CADM2: variants seen among roughly 807,000 people sequenced by gnomAD.
The protein encoded by CADM2 is immunoglobulin superfamily member 4D.
In CADM2, 12 loss-of-function variants were observed where a neutral mutation model predicts 49.8. The observed-to-expected ratio is 0.24, with a 90% CI of 0.15 to 0.39. The LOEUF is 0.39. Among genes scored for constraint, CADM2 ranks in the 10% least tolerant of loss-of-function variants. The pLI is 1.00. For missense variants in CADM2, 378 were observed against 492.3 expected, an observed-to-expected ratio of 0.77 and a Z score of 2.20; for synonymous variants, 214 against 175.4, an observed-to-expected ratio of 1.22 and a Z score of -1.74.
intron 1 of CADM2, among the ~76,000 whole-genome samples, chr3:85,206,377 G>A (rs1317388697): frequency 1.4e-5 from 2 of 145,844 alleles, no homozygotes; most frequent in Non-Finnish European, 3.0e-5. Flanking sequence ...GCGCAATCTC[G>A]ACTCACTGCA....
chr3:85,699,271 G>A (rs1340630439), intron 1 of CADM2, among the ~76,000 whole-genome samples: 1 of 152,120 alleles, frequency 6.6e-6, no homozygotes, highest in African/African-American at 2.4e-5. Flanking sequence ...GGCTTTCCAG[G>A]TACAGGGCTT....
At chr3:85,060,218 C>A (rs2036252773) in intron 1 of CADM2, among the ~76,000 whole-genome samples, 1 of 152,154 alleles carries the variant, frequency 6.6e-6, no homozygotes, top group Non-Finnish European at 1.5e-5. Context: ...GCAACCTCTG[C>A]CTGCCAGGTT....
At chr3:85,550,788 G>A (rs187443906) in intron 1 of CADM2, among the ~76,000 whole-genome samples, 64 of 151,864 alleles carry the variant, frequency 4.2e-4, no homozygotes, top group South Asian at 1.2e-3. Flanking sequence ...TTCCTCTCCC[G>A]TCTCACCTTG....
intron 1 of CADM2, among the ~76,000 whole-genome samples, chr3:85,336,902 A>G (rs1421924176): frequency 2.1e-5 from 3 of 144,124 alleles, no homozygotes; most frequent in East Asian, 2.0e-4. Flanking sequence ...TATATAGCTT[A>G]TTAACAAAGT....
intron 2 of CADM2, among the ~76,000 whole-genome samples, chr3:85,784,261 A>T (rs571094535): frequency 6.6e-6 from 1 of 152,222 alleles, no homozygotes; most frequent in Non-Finnish European, 1.5e-5. Context: ...TTTATTTATT[A>T]AAGTTTTTAG....
At chr3:85,333,571 T>A (rs2044996098) in intron 1 of CADM2, among the ~76,000 whole-genome samples, 1 of 151,802 alleles carries the variant, frequency 6.6e-6, no homozygotes, top group Non-Finnish European at 1.5e-5. Flanking sequence ...GAAGACCAGG[T>A]GAAAATGTTA....
chr3:85,286,145 G>A (rs1034332812), intron 1 of CADM2, among the ~76,000 whole-genome samples: 21 of 152,138 alleles, frequency 1.4e-4, no homozygotes, highest in Admixed American at 3.3e-4. Flanking sequence ...GAATCTTCTC[G>A]CCCCTTTCAA....
chr3:85,917,453 G>A (rs1391462840), intron 6 of CADM2, among the ~76,000 whole-genome samples: 1 of 151,998 alleles, frequency 6.6e-6, no homozygotes, highest in Non-Finnish European at 1.5e-5. Context: ...CTTTTTGTCA[G>A]GTTTGTCAAA....
intron 5 of CADM2, among the ~76,000 whole-genome samples, chr3:85,906,160 A>G (rs1482325333): frequency 6.6e-6 from 1 of 152,120 alleles, no homozygotes; most frequent in Non-Finnish European, 1.5e-5. Flanking sequence ...ATGTTATTAT[A>G]TTTTGGGCAT....
chr3:85,528,892 T>C (rs138799243), intron 1 of CADM2, among the ~76,000 whole-genome samples: 52 of 152,298 alleles, frequency 3.4e-4, no homozygotes, highest in Admixed American at 2.0e-3. Flanking sequence ...ACCGTGATCA[T>C]AAATAATATT....
chr3:85,675,513 T>C (rs974727793), intron 1 of CADM2, among the ~76,000 whole-genome samples: 8 of 152,192 alleles, frequency 5.3e-5, no homozygotes, highest in African/African-American at 1.9e-4. Context: ...TTTTAGAAGC[T>C]AAGTGATCTG....
intron 1 of CADM2, among the ~76,000 whole-genome samples, chr3:85,118,110 GT>G (rs200828494): frequency 2.1e-4 from 32 of 149,988 alleles, no homozygotes; most frequent in Admixed American, 6.7e-4. Context: ...TACATAAAGG[GT>G]TTTTTTTTCT....
chr3:86,065,299 T>G (rs963621280), intron 8 of CADM2, among the ~76,000 whole-genome samples: 7 of 152,198 alleles, frequency 4.6e-5, no homozygotes, highest in Non-Finnish European at 2.9e-5. Context: ...TACACACACA[T>G]ATTTTCAGAT....
intron 1 of CADM2, among the ~76,000 whole-genome samples, chr3:85,268,008 T>A (rs2043158017): frequency 6.7e-6 from 1 of 148,890 alleles, no homozygotes; most frequent in Admixed American, 6.6e-5. Context: ...GTGTGACTAG[T>A]AAAAGCAATA....
At position 85,470,168 on chromosome 3, in the gene CADM2, A is replaced by G. The variant is rs368823124; in HGVS notation, c.62-256354A>G. On this transcript the variant is annotated intron_variant, in intron 1 of 9. Transcript: ENST00000383699. ...AGAAAAATGATACAATTATTATCTA[A>G]CAGTGCTTTTGGAGAACTCACAAAA... Among the ~76,000 whole-genome samples the G allele has an allele frequency of 5.3e-5, 8 of 152,244 alleles. No individual in the cohort carries two copies. The East Asian group carries it at 1.3e-3, about 26-fold the overall frequency.
At chr3:85,434,291 T>A (rs2036825436) in intron 1 of CADM2, among the ~76,000 whole-genome samples, 1 of 151,986 alleles carries the variant, frequency 6.6e-6, no homozygotes, top group Admixed American at 6.6e-5. Context: ...AATTTGGTGA[T>A]ATTTTAGACT....
rs576072434 is a variant in CADM2, at chr3:85,698,934, T to C, written c.62-27588T>C. Among the ~76,000 whole-genome samples, 4 of 152,290 alleles carry C rather than the reference T, an allele frequency of 2.6e-5. No homozygotes were observed. In the South Asian group the frequency reaches 8.3e-4, roughly 32 times the overall value. On this transcript the variant is annotated intron_variant, in intron 1 of 9. Transcript: ENST00000383699. ...TCCAATGTCCTGTCTGAGACAAGGC[T>C]AGCCCCTTCTGCCTATGAGCTTGTA... is the stretch of plus-strand genomic sequence containing the variant.
chr3:85,837,153 A>C (rs576804073), intron 3 of CADM2, among the ~76,000 whole-genome samples: 2 of 151,742 alleles, frequency 1.3e-5, no homozygotes, highest in East Asian at 3.9e-4. Context: ...CATCGTCCTA[A>C]CAACACAAAT....
intron 2 of CADM2, among the ~76,000 whole-genome samples, chr3:85,731,316 T>C (rs1397669793): frequency 6.6e-6 from 1 of 152,172 alleles, no homozygotes. Flanking sequence ...ATATTAAGAC[T>C]TACATTTTGT....
Sources: gnomAD v4.1 joint callset for allele counts (sites outside exome capture counted in the v4.1 genomes callset) on GRCh38, gnomAD v4.1.1 for gene constraint, MANE v1.5 for transcripts, NCBI Gene and HGNC (gene_info 2026-07-23, HGNC 2026-07-21) for gene names.